Variants in SIK2 observed in about 807,000 individuals in gnomAD.
SIK2 encodes serine/threonine-protein kinase SIK2.
Under a neutral mutation model 103.2 loss-of-function variants are expected in SIK2, and 29 were observed. The observed-to-expected ratio is 0.28, with a 90% CI of 0.21 to 0.38. The LOEUF is 0.38. Ranked by LOEUF, SIK2 falls within the 10% of genes least tolerant of loss-of-function variation. The pLI, the probability that SIK2 is intolerant of heterozygous loss-of-function variation, is 1.00. For synonymous variants in SIK2, 412 were observed against 446.1 expected (o/e 0.92, Z 0.96); for missense variants, 879 against 1,171.0 (o/e 0.75, Z 3.64).
chr11:111,680,012 C>T (rs1302528167), intron 3 of SIK2, among the ~76,000 whole-genome samples: 2 of 151,832 alleles, frequency 1.3e-5, no homozygotes, highest in African/African-American at 4.8e-5. Flanking sequence ...ATCCCAGCTA[C>T]TTGGGAGGCT....
chr11:111,612,948 T>G (rs10522123), intron 1 of SIK2, among the ~76,000 whole-genome samples: 3 of 95,656 alleles, frequency 3.1e-5, no homozygotes, highest in Non-Finnish European at 6.7e-5. Context: ...ATATATATAT[T>G]TATGATCATA....
Position 111,688,110 on chromosome 11 carries a change from C to T in SIK2, c.426C>T (p.Asp142=). The T allele has an allele frequency of 6.2e-7, 1 of 1,614,062 alleles. No homozygotes were observed. The highest frequency in any genetic ancestry group is 8.5e-7 in the Non-Finnish European group (1 of 1,180,018). Residue 142 remains aspartate (D), a synonymous_variant, in exon 4 of 15, where the codon GAC becomes GAT. Coordinates refer to ENST00000304987, the MANE Select transcript of SIK2 (RefSeq NM_015191.3). The surrounding 1 kb of genome is among the most constrained non-coding windows in gnomAD (Gnocchi z 4.2). ...YCHGRKIVHR[D]LKAENLLLDN... Reference sequence around the variant, plus strand: ...ATGGTCGGAAGATTGTGCACCGTGACCTCAAAGCTGAAAATCTCCTGCTGG... The same window carrying T: ...ATGGTCGGAAGATTGTGCACCGTGATCTCAAAGCTGAAAATCTCCTGCTGG...
intron 3 of SIK2, among the ~76,000 whole-genome samples, chr11:111,639,818 AGAG>A (rs1173512809): frequency 1.3e-5 from 2 of 152,226 alleles, no homozygotes; most frequent in Non-Finnish European, 2.9e-5. Flanking sequence ...CAGTGAAAGT[AGAG>A]GAGTGTGTAG....
At position 111,701,688 on chromosome 11, in the gene SIK2, G is replaced by A. The variant is rs1334054462; in HGVS notation, c.727+113G>A. On this transcript the variant is annotated intron_variant, in intron 6 of 14. Transcript: ENST00000304987. This position sits in a 1 kb window ranked among gnomAD's most constrained non-coding sequence, Gnocchi z 4.2. ...AGTTTGGGTGCCAAATAAAGTGACT[G>A]AGCTGTAGGTTAAAAGCTATAGAAA... The A allele has an allele frequency of 2.2e-6, 3 of 1,349,586 alleles. No homozygotes were observed. The highest frequency in any genetic ancestry group is 2.9e-5 in the African/African-American group (2 of 68,370). The allele number at this position is 1,349,586 out of a possible 1,614,324, so 83.6% of individuals were successfully genotyped here. A position where few individuals can be genotyped will look rare whatever the true frequency, so the allele number is the denominator to read the frequency against.
At chr11:111,697,761 C>CCG (rs1943111324) in intron 4 of SIK2, among the ~76,000 whole-genome samples, 1 of 151,818 alleles carries the variant, frequency 6.6e-6, no homozygotes, top group Non-Finnish European at 1.5e-5. Flanking sequence ...GGTGCTGAGG[C>CCG]AGGAGGGTCA....
intron 3 of SIK2, chr11:111,672,340 C>A: frequency 2.1e-6 from 1 of 484,440 alleles, no homozygotes. Flanking sequence ...GGAGGAGCAG[C>A]TGCTGAAGGC....
At chr11:111,635,572 TA>T (rs1428612533) in intron 3 of SIK2, among the ~76,000 whole-genome samples, 2 of 152,190 alleles carry the variant, frequency 1.3e-5, no homozygotes, top group East Asian at 3.8e-4. Flanking sequence ...TAGTTGTCTG[TA>T]AATCGAAGGA....
intron 8 of SIK2, among the ~76,000 whole-genome samples, chr11:111,709,570 T>C (rs762345869): frequency 1.2e-4 from 19 of 152,246 alleles, no homozygotes; most frequent in Admixed American, 1.1e-3. Context: ...TCATTGCGTA[T>C]TGACACTCTT....
chr11:111,692,352 A>C (rs1942963617), intron 4 of SIK2, among the ~76,000 whole-genome samples: 1 of 15,752 alleles, frequency 6.3e-5, no homozygotes, highest in African/African-American at 1.7e-4. Context: ...CTCAGTCTCA[A>C]AAAAAAAAAA....
At chr11:111,673,769 T>C (rs1942659917) in intron 3 of SIK2, among the ~76,000 whole-genome samples, 1 of 152,042 alleles carries the variant, frequency 6.6e-6, no homozygotes, top group African/African-American at 2.4e-5. Flanking sequence ...ATATTAATGT[T>C]GAATTAAAAA....
chr11:111,624,029 T>C (rs1941929138), intron 3 of SIK2, among the ~76,000 whole-genome samples: 1 of 152,230 alleles, frequency 6.6e-6, no homozygotes, highest in Non-Finnish European at 1.5e-5. Context: ...GTCCAGTGTC[T>C]TATAAACCAT....
chr11:111,724,278 G>C lies in SIK2; in HGVS notation c.*149G>C. 1.7e-6 allele frequency: 2 copies of C among 1,172,636 alleles called. No individual in the cohort carries two copies. Among genetic ancestry groups the C allele is most frequent in the Non-Finnish European group, 2.3e-6 (2 of 860,500 alleles). 72.6% of individuals were successfully genotyped at this position (1,172,636 alleles called of 1,614,324 possible). ...CCAACTGGAATCAGAGGGTCTGGCT[G>C]GGGTGGATGTTGCTTCCTCCTGGTT... is the stretch of plus-strand genomic sequence containing the variant. On this transcript the variant is annotated 3_prime_UTR_variant, in exon 15 of 15. Coordinates refer to ENST00000304987, the MANE Select transcript of SIK2 (RefSeq NM_015191.3).
chr11:111,626,643 T>C (rs923619748), intron 3 of SIK2, among the ~76,000 whole-genome samples: 1 of 151,586 alleles, frequency 6.6e-6, no homozygotes, highest in African/African-American at 2.4e-5. Flanking sequence ...ATTGTCTTTC[T>C]GAATCACAAA....
At chr11:111,713,928 T>C (rs1266002211) in intron 9 of SIK2, among the ~76,000 whole-genome samples, 1 of 152,110 alleles carries the variant, frequency 6.6e-6, no homozygotes, top group Non-Finnish European at 1.5e-5. Flanking sequence ...GATCGTGCCA[T>C]TGCATGCCAG....
chr11:111,723,065 C>A (rs1346812803), intron 14 of SIK2, among the ~76,000 whole-genome samples: 1 of 152,178 alleles, frequency 6.6e-6, no homozygotes, highest in African/African-American at 2.4e-5. Flanking sequence ...GTAGGCGGCA[C>A]AGGAGCCTTC....
At chr11:111,723,455 G>C (rs780750603) in intron 14 of SIK2, 41 bp from the exon 15 acceptor site, 2 of 1,543,082 alleles carry the variant, frequency 1.3e-6, no homozygotes, top group Non-Finnish European at 1.7e-6. Flanking sequence ...GCCATCACTT[G>C]AGAAGATTTA....
chr11:111,692,205 G>T (rs1016207423), intron 4 of SIK2, among the ~76,000 whole-genome samples: 2 of 151,684 alleles, frequency 1.3e-5, no homozygotes, highest in Non-Finnish European at 2.9e-5. Flanking sequence ...CAGAAAATTA[G>T]CCAGGAATGG....
intron 3 of SIK2, among the ~76,000 whole-genome samples, chr11:111,637,070 T>C (rs1173609045): frequency 1.3e-5 from 2 of 152,190 alleles, no homozygotes; most frequent in African/African-American, 4.8e-5. Context: ...TCAAAATGCC[T>C]TTTATTCAGA....
chr11:111,699,859 C>T (rs963383532), intron 4 of SIK2, among the ~76,000 whole-genome samples: 2 of 152,190 alleles, frequency 1.3e-5, no homozygotes, highest in African/African-American at 2.4e-5. Flanking sequence ...CAAATCCAGT[C>T]AATCTGTCTG....
Sources: allele counts gnomAD v4.1 joint callset (sites outside exome capture counted in the v4.1 genomes callset), GRCh38; gene constraint gnomAD v4.1.1; non-coding constraint Gnocchi (gnomAD v3.1); transcripts MANE v1.5; gene names NCBI Gene and HGNC (gene_info 2026-07-23, HGNC 2026-07-21).